SLMAP: variants seen among roughly 807,000 people sequenced by gnomAD.
The protein encoded by SLMAP is sarcolemma associated protein.
A neutral mutation model predicts 128.8 loss-of-function variants in SLMAP; 44 were observed. The ratio of observed to expected loss-of-function variants is 0.34; its 90% CI spans 0.27 to 0.44. The LOEUF is 0.44. SLMAP is among the 20% of genes least tolerant of loss of function. SLMAP has a pLI of 1.00. For synonymous variants in SLMAP, 327 were observed against 348.8 expected, an observed-to-expected ratio of 0.94 and a Z score of 0.70; for missense variants, 787 against 985.3, an observed-to-expected ratio of 0.80 and a Z score of 2.69.
intron 2 of SLMAP, among the ~76,000 whole-genome samples, chr3:57,767,525 T>C (rs748437991): frequency 1.3e-5 from 2 of 152,240 alleles, no homozygotes; most frequent in Non-Finnish European, 2.9e-5. Flanking sequence ...TGTTTTTGGA[T>C]CGTAGATCCA....
At chr3:57,880,659 C>T (rs979943430) in intron 14 of SLMAP, among the ~76,000 whole-genome samples, 10 of 149,444 alleles carry the variant, frequency 6.7e-5, no homozygotes, top group Non-Finnish European at 1.5e-4. Context: ...GGGAGGATCG[C>T]TTGAGTTCAG....
At chr3:57,917,266 G>A (rs955071214) in intron 22 of SLMAP, 189 bp downstream of exon 22, 55 of 1,415,772 alleles carry the variant, frequency 3.9e-5, no homozygotes, top group Non-Finnish European at 4.9e-5. Context: ...GAATTCTTCA[G>A]TAGGGTTGGT....
chr3:57,862,020 A>G lies in SLMAP; in HGVS notation c.900A>G (p.Leu300=). 6.2e-7 allele frequency: 1 copy of G among 1,603,784 alleles called. No individual in the cohort carries two copies. The highest frequency in any genetic ancestry group is 1.3e-5 in the African/African-American group (1 of 74,858). ...KEMNERTQEE[L]RELANKYNGA... is the part of the protein sequence containing the mutation. ...TGAATGAAAGGACTCAGGAAGAATT[A>G]AGAGAATTAGCCAACAAATATAATG... The change falls in exon 10 of 25, where the codon TTA becomes TTG. Residue 300 remains leucine, a synonymous_variant. Coordinates refer to ENST00000671191, the MANE Select transcript of SLMAP (RefSeq NM_001377540.1).
At position 57,902,336 on chromosome 3, in the gene SLMAP, T is replaced by C. The variant is rs749475056; in HGVS notation, c.1501+5404T>C. 4.7e-4 allele frequency among the ~76,000 whole-genome samples: 72 copies of C among 152,194 alleles called. 1 individual carries two copies. Among genetic ancestry groups the C allele is most frequent in the Admixed American group, 1.3e-4 (2 of 15,272 alleles). On this transcript the variant is annotated intron_variant, in intron 17 of 24. Coordinates refer to ENST00000671191, the MANE Select transcript of SLMAP (RefSeq NM_001377540.1). Reference sequence around the variant, plus strand: ...AAAATACCTTCTTAGAAAAAGGAAATATTAAAAATCACAAGCTAGATCAAA... The same window carrying C: ...AAAATACCTTCTTAGAAAAAGGAAACATTAAAAATCACAAGCTAGATCAAA...
chr3:57,806,542 A>T (rs576009802), intron 2 of SLMAP, among the ~76,000 whole-genome samples: 168 of 152,214 alleles, frequency 1.1e-3, no homozygotes, highest in African/African-American at 3.3e-3. Context: ...GGTTCAAGCA[A>T]TTATCCTGCT....
chr3:57,802,767 T>G (rs1045910505), intron 2 of SLMAP, among the ~76,000 whole-genome samples: 1 of 152,204 alleles, frequency 6.6e-6, no homozygotes, highest in Admixed American at 6.5e-5. Context: ...TTGATGGACA[T>G]TCAGATTGCT....
In SLMAP at chr3:57,877,834, T is replaced by C. The variant is rs999083362; in HGVS notation, c.1300+6136T>C. ...AATTCTAAATGCTTTTTTCCTTCTT[T>C]TTTTTTTTTTTTTTTTTTTAAACAG... On this transcript the variant is annotated intron_variant, in intron 14 of 24. Transcript: ENST00000671191. 9.2e-5 allele frequency among the ~76,000 whole-genome samples: 13 copies of C among 140,816 alleles called. No individual in the cohort carries two copies. In the East Asian group the frequency reaches 9.9e-4, roughly 11 times the overall value. The allele number at this position is 140,816 out of a possible 152,430, so 92.4% of individuals were successfully genotyped here.
At chr3:57,802,700 C>CT (rs1167604201) in intron 2 of SLMAP, among the ~76,000 whole-genome samples, 2 of 152,186 alleles carry the variant, frequency 1.3e-5, no homozygotes, top group African/African-American at 4.8e-5. Context: ...GTTGTAGAAT[C>CT]TATCAATAGT....
At chr3:57,910,327 G>A (rs113167437) in intron 19 of SLMAP, among the ~76,000 whole-genome samples, 15,987 of 152,016 alleles carry the variant, frequency 0.11, 1,005 homozygotes, top group South Asian at 0.15. Context: ...GGGACTACAG[G>A]TGCATGCCAC....
intron 2 of SLMAP, among the ~76,000 whole-genome samples, chr3:57,822,601 A>G (rs1218582829): frequency 1.3e-5 from 2 of 152,174 alleles, no homozygotes; most frequent in African/African-American, 4.8e-5. Flanking sequence ...AGTAGCTACC[A>G]TCTCCCATCC....
chr3:57,881,067 G>A (rs766694797), intron 14 of SLMAP, among the ~76,000 whole-genome samples: 10 of 151,944 alleles, frequency 6.6e-5, no homozygotes, highest in African/African-American at 1.2e-4. Flanking sequence ...GGTGGCGCGC[G>A]CCTGTAATCC....
chr3:57,826,750 G>A (rs1008390708), intron 2 of SLMAP, among the ~76,000 whole-genome samples: 7 of 152,148 alleles, frequency 4.6e-5, no homozygotes, highest in African/African-American at 1.4e-4. Flanking sequence ...ATTGGATTGA[G>A]CCACACCATT....
At position 57,848,039 on chromosome 3, in the gene SLMAP, G is replaced by T. The variant is rs149255724; in HGVS notation, c.456+806G>T. On this transcript the variant is annotated intron_variant, in intron 5 of 24. Transcript: ENST00000671191. ...AATAATGCCAACTCTCTGCTGTCTC[G>T]TCAGCATATTAATTAAAGTATACTT... 4.1e-3 allele frequency among the ~76,000 whole-genome samples: 631 copies of T among 152,192 alleles called. 6 individuals carry two copies. Among genetic ancestry groups the T allele is most frequent in the African/African-American group, 0.015 (612 of 41,524 alleles).
chr3:57,890,795 T>A (rs989747703), intron 15 of SLMAP: 15 of 152,224 alleles, frequency 9.9e-5, no homozygotes, highest in Non-Finnish European at 2.2e-4. Flanking sequence ...CAGTATAAAA[T>A]TTAAAACTAG....
At chr3:57,884,974 T>C (rs772553698) in intron 14 of SLMAP, among the ~76,000 whole-genome samples, 1 of 152,124 alleles carries the variant, frequency 6.6e-6, no homozygotes, top group Admixed American at 6.5e-5. Flanking sequence ...GGAAATTCTT[T>C]CTTGACAAAG....
intron 19 of SLMAP, among the ~76,000 whole-genome samples, chr3:57,910,992 G>A (rs1186733659): frequency 6.6e-6 from 1 of 152,072 alleles, no homozygotes; most frequent in Non-Finnish European, 1.5e-5. Flanking sequence ...AATTTCTAGG[G>A]TATGTCATAT....
At chr3:57,823,668 C>T (rs1227299837) in intron 2 of SLMAP, among the ~76,000 whole-genome samples, 15 of 151,926 alleles carry the variant, frequency 9.9e-5, no homozygotes, top group South Asian at 4.2e-4. Flanking sequence ...TGAATAGTGC[C>T]GCAGTAAACA....
At chr3:57,814,977 A>G (rs2091641215) in intron 2 of SLMAP, among the ~76,000 whole-genome samples, 1 of 151,894 alleles carries the variant, frequency 6.6e-6, no homozygotes, top group African/African-American at 2.4e-5. Flanking sequence ...ACAGAGCAAG[A>G]CTCTGTCTCA....
intron 22 of SLMAP, among the ~76,000 whole-genome samples, chr3:57,922,432 T>C (rs1005628967): frequency 1.0e-4 from 15 of 149,608 alleles, no homozygotes; most frequent in Non-Finnish European, 2.2e-4. Context: ...TTTCTTTTTT[T>C]TTTTTTTTTT....
Sources: gnomAD v4.1 joint callset for allele counts (sites outside exome capture counted in the v4.1 genomes callset) on GRCh38, gnomAD v4.1.1 for gene constraint, MANE v1.5 for transcripts, NCBI Gene and HGNC (gene_info 2026-07-23, HGNC 2026-07-21) for gene names.